HIGD1A: variants seen among roughly 807,000 people sequenced by gnomAD.
HIGD1A encodes the protein HIG1 domain family member 1A, mitochondrial.
HIGD1A carries 8 observed loss-of-function variants against 11.3 expected under a neutral mutation model. The observed-to-expected ratio is 0.71, with a 90% CI of 0.42 to 1.28. HIGD1A has a LOEUF of 1.28. Ranked by LOEUF, HIGD1A falls within the 50% of genes most tolerant of loss-of-function variation. The probability of loss-of-function intolerance (pLI) is 0.01; values close to 1 mark genes in which losing one functional copy is unlikely to be tolerated. For synonymous variants in HIGD1A, 32 were observed against 38.4 expected (o/e 0.83, Z 0.62); for missense variants, 107 against 118.8 (o/e 0.90, Z 0.46).
chr3:42,803,973 G>C (rs1575367103), intron 1 of HIGD1A, among the ~76,000 whole-genome samples: 1 of 152,238 alleles, frequency 6.6e-6, no homozygotes, highest in African/African-American at 2.4e-5. Flanking sequence ...CTCTTCCTGT[G>C]ACCTTGTCGT....
chr3:42,795,143 T>G (rs1700478740), intron 1 of HIGD1A, among the ~76,000 whole-genome samples: 1 of 151,748 alleles, frequency 6.6e-6, no homozygotes, highest in Non-Finnish European at 1.5e-5. Flanking sequence ...ACTCCTGACC[T>G]CACGTGATCC....
chr3:42,789,602 A>G (rs1322790257), intron 2 of HIGD1A, among the ~76,000 whole-genome samples: 2 of 151,638 alleles, frequency 1.3e-5, no homozygotes, highest in South Asian at 2.1e-4. Flanking sequence ...AAGATTCACG[A>G]AAGATGAAAC....
Position 42,785,222 on chromosome 3 carries a change from T to C in HIGD1A, c.*49A>G. 2 of 1,449,918 alleles carry C rather than the reference T, an allele frequency of 1.4e-6. No individual in the cohort carries two copies. The highest frequency in any genetic ancestry group is 2.8e-5 in the African/African-American group (2 of 70,782). 89.8% of individuals were successfully genotyped at this position (1,449,918 alleles called of 1,614,324 possible). On this transcript the variant is annotated 3_prime_UTR_variant, in exon 4 of 4. Coordinates refer to ENST00000321331, the MANE Select transcript of HIGD1A (RefSeq NM_014056.4). ...AATAGGTAACTTTAATAATAAGACA[T>C]CTAACTAAAGCAAGCTCCTCCAACA...
At position 42,784,718 on chromosome 3, in the gene HIGD1A, T is replaced by C. The variant is rs1318953896; in HGVS notation, c.*553A>G. Reference sequence around the variant, plus strand: ...AGTTGTGATTCTTTAATAAATACTATTATGCAGCTCTATTGTTTAAGCTTT... The same window carrying C: ...AGTTGTGATTCTTTAATAAATACTACTATGCAGCTCTATTGTTTAAGCTTT... On this transcript the variant is annotated 3_prime_UTR_variant, in exon 4 of 4. Coordinates refer to ENST00000321331, the MANE Select transcript of HIGD1A (RefSeq NM_014056.4). 6.5e-6 allele frequency: 1 copy of C among 152,730 alleles called. No homozygotes were observed. Among genetic ancestry groups the C allele is most frequent in the Non-Finnish European group, 1.5e-5 (1 of 68,106 alleles). The allele number at this position is 152,730 out of a possible 1,614,324, so 9.5% of individuals were successfully genotyped here. A position where few individuals can be genotyped will look rare whatever the true frequency, so the allele number is the denominator to read the frequency against.
At chr3:42,802,022 C>G (rs1048465590) in intron 1 of HIGD1A, among the ~76,000 whole-genome samples, 1 of 152,182 alleles carries the variant, frequency 6.6e-6, no homozygotes, top group Non-Finnish European at 1.5e-5. Flanking sequence ...AGGCAAGACC[C>G]TTGCTGAGGG....
chr3:42,787,594 A>AAT (rs1163603645), intron 2 of HIGD1A, among the ~76,000 whole-genome samples: 1,738 of 141,214 alleles, frequency 0.012, 53 homozygotes, highest in African/African-American at 0.044. Flanking sequence ...CCATCTCAAA[A>AAT]ATATATATAT....
At chr3:42,789,082 C>T (rs1027547098) in intron 2 of HIGD1A, among the ~76,000 whole-genome samples, 1 of 138,414 alleles carries the variant, frequency 7.2e-6, no homozygotes, top group African/African-American at 2.7e-5. Flanking sequence ...GTTCTGTCAC[C>T]CAGGCTGGAG....
intron 2 of HIGD1A, among the ~76,000 whole-genome samples, chr3:42,786,838 C>T: frequency 6.6e-6 from 1 of 152,112 alleles, no homozygotes; most frequent in Non-Finnish European, 1.5e-5. Context: ...TGCAGCCGCA[C>T]AATCATAGCT....
intron 1 of HIGD1A, among the ~76,000 whole-genome samples, chr3:42,803,078 A>G (rs1040165222): frequency 6.6e-6 from 1 of 152,222 alleles, no homozygotes; most frequent in Non-Finnish European, 1.5e-5. Context: ...ACTTTCCTTC[A>G]TTATCGTTTT....
chr3:42,796,882 GTCCCTC>G (rs1553697736), intron 1 of HIGD1A, among the ~76,000 whole-genome samples: 1 of 1,452 alleles, frequency 6.9e-4, no homozygotes, highest in African/African-American at 7.2e-4. Flanking sequence ...TATAACTTCC[GTCCCTC>G]TCCCTCTCCC....
chr3:42,787,189 C>T (rs1700362170), intron 2 of HIGD1A, among the ~76,000 whole-genome samples: 2 of 151,914 alleles, frequency 1.3e-5, no homozygotes, highest in Admixed American at 1.3e-4. Context: ...AATTTATATT[C>T]ATTTTAATAC....
chr3:42,804,202 G>A lies in HIGD1A; in HGVS notation c.-23+234C>T, dbSNP rs781169226. The A allele has an allele frequency of 2.5e-6, 4 of 1,609,284 alleles. No homozygotes were observed. The Admixed American group carries it at 5.0e-5, about 20-fold the overall frequency. On this transcript the variant is annotated intron_variant, in intron 1 of 3. Transcript: ENST00000321331. ...AAGCTTCTGCTCCATCTCCTCGCTG[G>A]CTCCGTCTCCCCTCACCCGAAGGAC... is the stretch of plus-strand genomic sequence containing the variant.
In HIGD1A at chr3:42,785,993, G is replaced by T. The variant is rs766434718; in HGVS notation, c.232+35C>A. The T allele has an allele frequency of 9.3e-6, 15 of 1,609,004 alleles. No homozygotes were observed. In the South Asian group the frequency reaches 1.7e-4, roughly 18 times the overall value. ...TGTTTGTAAAGAAATACCTTAATGA[G>T]AAACGAAAATTTGAAATTTCCTATA... On this transcript the variant is annotated intron_variant, in intron 3 of 3. Coordinates refer to ENST00000321331, the MANE Select transcript of HIGD1A (RefSeq NM_014056.4).
chr3:42,800,271 G>C lies in HIGD1A; in HGVS notation c.-23+4165C>G, dbSNP rs537367559. On this transcript the variant is annotated intron_variant, in intron 1 of 3. Coordinates refer to ENST00000321331, the MANE Select transcript of HIGD1A (RefSeq NM_014056.4). ...TTGAACCCGGGAGGCAGAGGTTGCA[G>C]TGCGCTGAAATTGTGCAACTGCACT... Among the ~76,000 whole-genome samples, 95 of 152,088 alleles carry C rather than the reference G, an allele frequency of 6.2e-4. 1 individual carries two copies. The highest frequency in any genetic ancestry group is 3.4e-3 in the Middle Eastern group (1 of 294).
At chr3:42,803,693 C>T (rs375371929) in intron 1 of HIGD1A, among the ~76,000 whole-genome samples, 9 of 152,352 alleles carry the variant, frequency 5.9e-5, no homozygotes, top group African/African-American at 2.2e-4. Context: ...CTGCTTCCCA[C>T]TCCGGGAATT....
Position 42,783,550 on chromosome 3 carries a change from G to A in HIGD1A, c.*1721C>T, listed in dbSNP as rs1221400608. 6.6e-6 allele frequency among the ~76,000 whole-genome samples: 1 copy of A among 152,058 alleles called. No individual in the cohort carries two copies. The highest frequency in any genetic ancestry group is 2.4e-5 in the African/African-American group (1 of 41,400). On this transcript the variant is annotated 3_prime_UTR_variant, in exon 4 of 4. Coordinates refer to ENST00000321331, the MANE Select transcript of HIGD1A (RefSeq NM_014056.4). Reference sequence around the variant, plus strand: ...GAATCGCACGAAGCTAGGAGGTGGAGGGTGCCGTGAGCTCAGATCACACCA... The same window carrying A: ...GAATCGCACGAAGCTAGGAGGTGGAAGGTGCCGTGAGCTCAGATCACACCA...
chr3:42,804,047 G>T, intron 1 of HIGD1A: 2 of 1,041,216 alleles, frequency 1.9e-6, no homozygotes, highest in Non-Finnish European at 2.8e-6. Context: ...CCGCTCTTCA[G>T]AATGTTCCAA....
Position 42,785,196 on chromosome 3 carries a change from T to C in HIGD1A, c.*75A>G. 2 of 1,142,624 alleles carry C rather than the reference T, an allele frequency of 1.8e-6. No homozygotes were observed. Among genetic ancestry groups the C allele is most frequent in the Non-Finnish European group, 2.6e-6 (2 of 772,268 alleles). 70.8% of individuals were successfully genotyped at this position (1,142,624 alleles called of 1,614,324 possible). A position where few individuals can be genotyped will look rare whatever the true frequency, so the allele number is the denominator to read the frequency against. On this transcript the variant is annotated 3_prime_UTR_variant, in exon 4 of 4. Transcript: ENST00000321331. Reference sequence around the variant, plus strand: ...ATACAAATTAGTTTATTTCCAACAATAATAGGTAACTTTAATAATAAGACA... The same window carrying C: ...ATACAAATTAGTTTATTTCCAACAACAATAGGTAACTTTAATAATAAGACA...
At chr3:42,800,315 A>G (rs1313438048) in intron 1 of HIGD1A, among the ~76,000 whole-genome samples, 70 of 151,882 alleles carry the variant, frequency 4.6e-4, no homozygotes, top group Non-Finnish European at 1.5e-5. Context: ...GGCCACAGAG[A>G]GACTCTGTCT....
Sources: gnomAD v4.1 joint callset for allele counts (sites outside exome capture counted in the v4.1 genomes callset) on GRCh38, gnomAD v4.1.1 for gene constraint, MANE v1.5 for transcripts, NCBI Gene and HGNC (gene_info 2026-07-23, HGNC 2026-07-21) for gene names.